Variants in FHIT observed in about 807,000 individuals in gnomAD.
FHIT encodes fragile histidine triad diadenosine triphosphatase, also known as bis(5'-adenosyl)-triphosphatase.
In FHIT, 19 loss-of-function variants were observed where a neutral mutation model predicts 17.9. The ratio of observed to expected loss-of-function variants is 1.06; its 90% confidence interval spans 0.74 to 1.56. The LOEUF is 1.56. Among genes scored for constraint, FHIT ranks in the 40% most tolerant of loss-of-function variants. The pLI, the probability that FHIT is intolerant of heterozygous loss-of-function variation, is 0.00. For missense variants in FHIT, 248 were observed against 189.2 expected (o/e 1.31, Z -1.82); for synonymous variants, 81 against 69.7 (o/e 1.16, Z -0.81).
At chr3:60,267,313 C>A (rs1400899695) in intron 5 of FHIT, among the ~76,000 whole-genome samples, 1 of 149,484 alleles carries the variant, frequency 6.7e-6, no homozygotes, top group Non-Finnish European at 1.5e-5. Flanking sequence ...CATGAGGTCA[C>A]ATATACACAC....
intron 7 of FHIT, among the ~76,000 whole-genome samples, chr3:59,961,722 C>T (rs1707694305): frequency 6.6e-6 from 1 of 152,200 alleles, no homozygotes; most frequent in Admixed American, 6.5e-5. Context: ...CCTGCTTCCC[C>T]TCGCCCCCTG....
chr3:60,291,836 G>A lies in FHIT; in HGVS notation c.103+245024C>T, dbSNP rs571666488. Among the ~76,000 whole-genome samples the A allele has an allele frequency of 4.9e-4, 75 of 152,186 alleles. 1 individual carries two copies. In the South Asian group the frequency reaches 0.011, roughly 21 times the overall value. On this transcript the variant is annotated intron_variant, in intron 5 of 9. Transcript: ENST00000492590. ...ATCACATGGAAAGAGAGGAAAGATT[G>A]GAGCCAGAGTGCCACAGCCTAGGAA...
At chr3:60,546,049 T>G (rs1200003616) in intron 4 of FHIT, among the ~76,000 whole-genome samples, 2 of 152,200 alleles carry the variant, frequency 1.3e-5, no homozygotes, top group African/African-American at 4.8e-5. Context: ...TTCTTTGTAT[T>G]TGACAAGTAT....
chr3:60,729,187 G>A (rs1553710456), intron 4 of FHIT, among the ~76,000 whole-genome samples: 1 of 152,192 alleles, frequency 6.6e-6, no homozygotes, highest in African/African-American at 2.4e-5. Flanking sequence ...AGTTTAACAG[G>A]CTTTAACCTT....
chr3:60,851,979 G>A (rs1267777338), intron 3 of FHIT, among the ~76,000 whole-genome samples: 1 of 152,144 alleles, frequency 6.6e-6, no homozygotes, highest in East Asian at 1.9e-4. Context: ...TGGGCCATGA[G>A]GTGCCCAGAT....
At chr3:60,854,059 AAATG>A (rs1371065592) in intron 3 of FHIT, among the ~76,000 whole-genome samples, 2 of 152,144 alleles carry the variant, frequency 1.3e-5, no homozygotes, top group Non-Finnish European at 2.9e-5. Context: ...AAGGAAGTGT[AAATG>A]TTCAGATTCA....
chr3:60,619,341 C>T (rs1290366483), intron 4 of FHIT, among the ~76,000 whole-genome samples: 2 of 151,700 alleles, frequency 1.3e-5, no homozygotes, highest in Non-Finnish European at 2.9e-5. Flanking sequence ...ATCCCAGCAA[C>T]CTATTTTTTG....
intron 5 of FHIT, among the ~76,000 whole-genome samples, chr3:60,073,750 C>G (rs1702884911): frequency 2.0e-5 from 3 of 152,072 alleles, no homozygotes; most frequent in African/African-American, 7.2e-5. Flanking sequence ...GCCCTTGACT[C>G]ACTGGAAAAA....
intron 8 of FHIT, among the ~76,000 whole-genome samples, chr3:59,758,597 C>T (rs1701339551): frequency 6.6e-6 from 1 of 152,128 alleles, no homozygotes; most frequent in Non-Finnish European, 1.5e-5. Context: ...GATAAGGCAT[C>T]AACAACACCT....
chr3:60,732,556 G>A (rs1057270459), intron 4 of FHIT: 2 of 637,694 alleles, frequency 3.1e-6, no homozygotes, highest in Admixed American at 1.8e-5. Context: ...TTGGAACCTC[G>A]TCTGCAAACA....
intron 4 of FHIT, among the ~76,000 whole-genome samples, chr3:60,561,646 T>G (rs2107644741): frequency 6.6e-6 from 1 of 152,202 alleles, no homozygotes. Flanking sequence ...GTGACTGAGC[T>G]TTGTAGTTCT....
chr3:60,528,811 C>T (rs1251966025), intron 5 of FHIT, among the ~76,000 whole-genome samples: 2 of 152,218 alleles, frequency 1.3e-5, no homozygotes. Context: ...TCTTTTCTTC[C>T]TCCCCTGGGA....
intron 7 of FHIT, among the ~76,000 whole-genome samples, chr3:59,977,533 C>T (rs149677075): frequency 2.0e-5 from 3 of 152,246 alleles, no homozygotes; most frequent in African/African-American, 4.8e-5. Context: ...TTACAAGCCT[C>T]GAAGAGGTTA....
At chr3:60,448,604 C>T (rs1342714780) in intron 5 of FHIT, among the ~76,000 whole-genome samples, 1 of 152,114 alleles carries the variant, frequency 6.6e-6, no homozygotes, top group Non-Finnish European at 1.5e-5. Flanking sequence ...AGAGAGACAA[C>T]CTGAACTAGC....
chr3:60,379,293 A>T (rs1700705356), intron 5 of FHIT, among the ~76,000 whole-genome samples: 1 of 152,076 alleles, frequency 6.6e-6, no homozygotes, highest in African/African-American at 2.4e-5. Flanking sequence ...AATTCCCACA[A>T]TCAGAATCCA....
chr3:60,169,924 A>G (rs1288236907), intron 5 of FHIT, among the ~76,000 whole-genome samples: 2 of 152,212 alleles, frequency 1.3e-5, no homozygotes, highest in African/African-American at 4.8e-5. Context: ...TTGGCAAGAA[A>G]AAGAGGAAGT....
intron 5 of FHIT, among the ~76,000 whole-genome samples, chr3:60,344,683 G>C (rs901791942): frequency 1.3e-5 from 2 of 152,080 alleles, no homozygotes; most frequent in African/African-American, 2.4e-5. Flanking sequence ...TGACTTTTAG[G>C]GTTTGTCAGG....
intron 4 of FHIT, among the ~76,000 whole-genome samples, chr3:60,560,576 T>C (rs2036900847): frequency 6.6e-6 from 1 of 152,082 alleles, no homozygotes; most frequent in Admixed American, 6.5e-5. Context: ...CATACTATCC[T>C]GATCTCCTCT....
chr3:60,552,107 A>T (rs1054985721), intron 4 of FHIT, among the ~76,000 whole-genome samples: 6 of 152,092 alleles, frequency 3.9e-5, no homozygotes, highest in African/African-American at 1.4e-4. Context: ...TTTTATGTGT[A>T]GCTTATTTCA....
Sources: allele counts gnomAD v4.1 joint callset (sites outside exome capture counted in the v4.1 genomes callset), GRCh38; gene constraint gnomAD v4.1.1; transcripts MANE v1.5; gene names NCBI Gene and HGNC (gene_info 2026-07-23, HGNC 2026-07-21).